The following ZNF555 variants were observed in gnomAD, a reference collection of about 807,000 sequenced individuals.
ZNF555 encodes the protein zinc finger protein 555.
ZNF555 carries 10 observed loss-of-function variants against 14.0 expected under a neutral mutation model. The observed-to-expected ratio is 0.72, with a 90% CI of 0.44 to 1.21. ZNF555 has a LOEUF of 1.21. ZNF555 is among the 50% of genes most tolerant of loss of function. ZNF555 has a pLI of 0.00. For missense variants in ZNF555, 747 were observed against 762.0 expected (o/e 0.98, Z 0.23); for synonymous variants, 277 against 262.4 (o/e 1.06, Z -0.54).
chr19:2,853,101 G>A lies in ZNF555; in HGVS notation c.1036G>A (p.Gly346Arg). Residue 346 changes from glycine to arginine, a missense_variant, in exon 4 of 4, where the codon GGG becomes AGG. Gly to Arg is a moderately radical substitution (Grantham distance 125). Transcript: ENST00000334241. Reference sequence around the variant, plus strand: ...GAAACCCTACGAATGCAAACAATGTGGGAAAACCTTCATTTATCTCCAGTC... The same window carrying A: ...GAAACCCTACGAATGCAAACAATGTAGGAAAACCTTCATTTATCTCCAGTC... ...GEKPYECKQCGKTFIYLQSFR... is the reference protein window; with the variant it reads ...GEKPYECKQCRKTFIYLQSFR... 1 of 1,614,170 alleles carries A rather than the reference G, an allele frequency of 6.2e-7. No homozygotes were observed.
At chr19:2,848,996 A>C (rs1296824907) in intron 1 of ZNF555, among the ~76,000 whole-genome samples, 1 of 152,182 alleles carries the variant, frequency 6.6e-6, no homozygotes, top group Non-Finnish European at 1.5e-5. Flanking sequence ...TTCTTTCGGC[A>C]TATGGGAACT....
chr19:2,849,631 T>C (rs929971642), intron 1 of ZNF555, among the ~76,000 whole-genome samples: 3 of 151,542 alleles, frequency 2.0e-5, no homozygotes, highest in African/African-American at 4.9e-5. Flanking sequence ...ACTACAGGCG[T>C]GCACCACCAT....
Position 2,858,528 on chromosome 19 carries a change from C to G in ZNF555, c.*4576C>G, listed in dbSNP as rs907076361. On this transcript the variant is annotated 3_prime_UTR_variant, in exon 4 of 4. Transcript: ENST00000334241. The stretch of plus-strand genomic sequence containing the variant: ...ACAAGGGGCATCCGCATCTTGTTTT[C>G]TAGGGCCTTTCCTGAGGCCACTTCC... 6.6e-6 allele frequency: 1 copy of G among 152,238 alleles called. No homozygotes were observed. Among genetic ancestry groups the G allele is most frequent in the Admixed American group, 6.5e-5 (1 of 15,286 alleles). 9.4% of individuals were successfully genotyped at this position (152,238 alleles called of 1,614,324 possible).
chr19:2,841,880 C>T (rs139252146), intron 1 of ZNF555, among the ~76,000 whole-genome samples: 1,695 of 151,792 alleles, frequency 0.011, 30 homozygotes, highest in African/African-American at 0.039. Context: ...CTCCCGACCC[C>T]CCACGCCCCG....
chr19:2,844,545 T>C (rs1177078675), intron 1 of ZNF555, among the ~76,000 whole-genome samples: 1 of 152,194 alleles, frequency 6.6e-6, no homozygotes. Context: ...CCAACCAGGG[T>C]GTTTTAAAAT....
chr19:2,860,329 G>T lies in ZNF555; in HGVS notation c.*6377G>T, dbSNP rs1434137162. Reference sequence around the variant, plus strand: ...GAATGTCCATGTGTCTCACTGCACAGCTGTGATTTTTCTGTGTCTCTGTGT... The same window carrying T: ...GAATGTCCATGTGTCTCACTGCACATCTGTGATTTTTCTGTGTCTCTGTGT... On this transcript the variant is annotated 3_prime_UTR_variant, in exon 4 of 4. Transcript: ENST00000334241. 6.6e-6 allele frequency: 1 copy of T among 152,142 alleles called. No homozygotes were observed. The highest frequency in any genetic ancestry group is 1.5e-5 in the Non-Finnish European group (1 of 68,048). The allele number at this position is 152,142 out of a possible 1,614,324, so 9.4% of individuals were successfully genotyped here.
At chr19:2,844,559 C>T (rs2087567146) in intron 1 of ZNF555, among the ~76,000 whole-genome samples, 1 of 152,328 alleles carries the variant, frequency 6.6e-6, no homozygotes, top group Admixed American at 6.5e-5. Context: ...TTAAAATTGG[C>T]GGCTGGTCAC....
In ZNF555 at chr19:2,855,209, TTATG is replaced by T. The variant is rs2087673536; in HGVS notation, c.*1261_*1264del. The T allele has an allele frequency of 2.0e-5, 3 of 152,328 alleles. No individual in the cohort carries two copies. Among genetic ancestry groups the T allele is most frequent in the East Asian group, 3.9e-4 (2 of 5,188 alleles). The allele number at this position is 152,328 out of a possible 1,614,324, so 9.4% of individuals were successfully genotyped here. A position where few individuals can be genotyped will look rare whatever the true frequency, so the allele number is the denominator to read the frequency against. On this transcript the variant is annotated 3_prime_UTR_variant, in exon 4 of 4. Transcript: ENST00000334241. ...ATATAGGTTAAATTATTAGGTTTGA[TTATG>T]TATCATTAAAAATAATGTGGATTTT...
intron 1 of ZNF555, among the ~76,000 whole-genome samples, chr19:2,845,615 ATC>A (rs1285158699): frequency 6.6e-6 from 1 of 152,284 alleles, no homozygotes; most frequent in South Asian, 2.1e-4. Context: ...CCCTGCCAAC[ATC>A]TGTTATTTTT....
rs1316045649 is a variant in ZNF555 at position 2,852,783 on chromosome 19, T to C, written c.718T>C (p.Phe240Leu). Residue 240 changes from phenylalanine (F) to leucine (L), a missense_variant, in exon 4 of 4, where the codon TTC (phenylalanine) becomes CTC (leucine). By Grantham distance (22) the Phe-to-Leu change is conservative. Transcript: ENST00000334241. ...GCAATGTGGGAAAGCCTTTATTGAC[T>C]TCTCAAGTCTTACTAGTCATCTCAG... ...CKQCGKAFID[F>L]SSLTSHLRSH... The C allele has an allele frequency of 9.9e-6, 16 of 1,614,008 alleles. No homozygotes were observed. Among genetic ancestry groups the C allele is most frequent in the Non-Finnish European group, 1.3e-5 (15 of 1,180,010 alleles).
intron 1 of ZNF555, among the ~76,000 whole-genome samples, chr19:2,846,620 G>C (rs1313058236): frequency 6.6e-6 from 1 of 152,192 alleles, no homozygotes; most frequent in Non-Finnish European, 1.5e-5. Context: ...GCAGTGTCAG[G>C]TTTTAGCTTA....
Position 2,841,717 on chromosome 19 carries a change from TCC to T in ZNF555, c.3+144_3+145del, listed in dbSNP as rs2087538152. Reference sequence around the variant, plus strand: ...AGGACGGGAGCCTGGGCCCCGGGGGTCCCGCCCGGCCCCGCCTCCCGCGCTGA... The same window carrying T: ...AGGACGGGAGCCTGGGCCCCGGGGGTCGCCCGGCCCCGCCTCCCGCGCTGA... On this transcript the variant is annotated intron_variant, in intron 1 of 3. Coordinates refer to ENST00000334241, the MANE Select transcript of ZNF555 (RefSeq NM_152791.5). 5 of 1,019,172 alleles carry T rather than the reference TCC, an allele frequency of 4.9e-6. No individual in the cohort carries two copies. The South Asian group carries it at 1.6e-4, about 33-fold the overall frequency. 63.1% of individuals were successfully genotyped at this position (1,019,172 alleles called of 1,614,324 possible).
intron 2 of ZNF555, 130 bp downstream of exon 2, chr19:2,850,843 G>A (rs1599564651): frequency 1.8e-6 from 2 of 1,124,608 alleles, no homozygotes; most frequent in Non-Finnish European, 2.6e-6. Context: ...CATAGTCACA[G>A]CTGTCATAGA....
chr19:2,852,818 C>T lies in ZNF555; in HGVS notation c.753C>T (p.Thr251=), dbSNP rs191028717. Residue 251 remains threonine, a synonymous_variant, in exon 4 of 4, where the codon ACC becomes ACT. Coordinates refer to ENST00000334241, the MANE Select transcript of ZNF555 (RefSeq NM_152791.5). ...SSLTSHLRSH[T]GEKPYKCKEC... ...TTACTAGTCATCTCAGAAGTCACAC[C>T]GGAGAGAAGCCATATAAGTGTAAGG... The T allele has an allele frequency of 3.4e-4, 551 of 1,613,996 alleles. 7 individuals are homozygous for T. In the South Asian group the frequency reaches 4.3e-3, roughly 13 times the overall value.
chr19:2,847,835 C>T (rs1345919256), intron 1 of ZNF555, among the ~76,000 whole-genome samples: 1 of 152,118 alleles, frequency 6.6e-6, no homozygotes, highest in African/African-American at 2.4e-5. Flanking sequence ...AAACCGCTGG[C>T]AGTTCAGCAT....
intron 1 of ZNF555, among the ~76,000 whole-genome samples, chr19:2,849,303 T>TAG (rs1201413649): frequency 6.6e-6 from 1 of 152,060 alleles, no homozygotes; most frequent in East Asian, 1.9e-4. Context: ...GTGCAGCCTC[T>TAG]AGAGTGGTAT....
In ZNF555 at chr19:2,854,271, T is replaced by G. The variant is rs2087665640; in HGVS notation, c.*319T>G. On this transcript the variant is annotated 3_prime_UTR_variant, in exon 4 of 4. Transcript: ENST00000334241. ...TTTTTTACTGGGAGTATTTTTATTGTTTGGCCAGAGGAGCCTTATTCCATT... is the reference window on the plus strand; with the variant it reads ...TTTTTTACTGGGAGTATTTTTATTGGTTGGCCAGAGGAGCCTTATTCCATT... The G allele has an allele frequency of 3.8e-6, 1 of 261,320 alleles. No homozygotes were observed. Among genetic ancestry groups the G allele is most frequent in the Non-Finnish European group, 7.3e-6 (1 of 137,492 alleles). The allele number at this position is 261,320 out of a possible 1,614,324, so 16.2% of individuals were successfully genotyped here. A position where few individuals can be genotyped will look rare whatever the true frequency, so the allele number is the denominator to read the frequency against.
At position 2,857,566 on chromosome 19, in the gene ZNF555, G is replaced by C. The variant is rs981614836; in HGVS notation, c.*3614G>C. Reference sequence around the variant, plus strand: ...GTACATATGGGCTTAAGAGTGTTCTGTCATGATTGTAGTGGTGAAAACAAG... The same window carrying C: ...GTACATATGGGCTTAAGAGTGTTCTCTCATGATTGTAGTGGTGAAAACAAG... On this transcript the variant is annotated 3_prime_UTR_variant, in exon 4 of 4. Coordinates refer to ENST00000334241, the MANE Select transcript of ZNF555 (RefSeq NM_152791.5). The C allele has an allele frequency of 6.6e-6, 1 of 152,204 alleles. No homozygotes were observed. The highest frequency in any genetic ancestry group is 2.4e-5 in the African/African-American group (1 of 41,454). 9.4% of individuals were successfully genotyped at this position (152,204 alleles called of 1,614,324 possible).
In ZNF555 at chr19:2,857,473, T is replaced by G. The variant is rs2087692843; in HGVS notation, c.*3521T>G. On this transcript the variant is annotated 3_prime_UTR_variant, in exon 4 of 4. Coordinates refer to ENST00000334241, the MANE Select transcript of ZNF555 (RefSeq NM_152791.5). ...CTCCTAAGGCTATATGGTATTCCTT[T>G]TATAAGACATGGAAAAGGCAAAGAT... 6.6e-6 allele frequency: 1 copy of G among 152,196 alleles called. No individual in the cohort carries two copies. Among genetic ancestry groups the G allele is most frequent in the South Asian group, 2.1e-4 (1 of 4,834 alleles). 9.4% of individuals were successfully genotyped at this position (152,196 alleles called of 1,614,324 possible).
Sources: allele counts gnomAD v4.1 joint callset (sites outside exome capture counted in the v4.1 genomes callset), GRCh38; gene constraint gnomAD v4.1.1; transcripts MANE v1.5; gene names NCBI Gene and HGNC (gene_info 2026-07-23, HGNC 2026-07-21).